ESYT2: variants seen among roughly 807,000 people sequenced by gnomAD.
ESYT2 encodes extended synaptotagmin 2.
A neutral mutation model predicts 107.2 loss-of-function variants in ESYT2; 54 were observed. The ratio of observed to expected loss-of-function variants is 0.50; its 90% confidence interval spans 0.40 to 0.63. ESYT2 has a LOEUF of 0.63. Among genes scored for constraint, ESYT2 ranks in the 30% least tolerant of loss-of-function variants. ESYT2 has a pLI of 0.00. For synonymous variants in ESYT2, 491 were observed against 434.1 expected, an observed-to-expected ratio of 1.13 and a Z score of -1.63; for missense variants, 1,020 against 1,094.5, an observed-to-expected ratio of 0.93 and a Z score of 0.96.
chr7:158,780,831 G>A (rs913416078), intron 6 of ESYT2, among the ~76,000 whole-genome samples: 2 of 152,240 alleles, frequency 1.3e-5, no homozygotes, highest in African/African-American at 4.8e-5. Context: ...GGCACTGAAA[G>A]GCCTGTCCCT....
chr7:158,761,969 G>A (rs1192680924), intron 10 of ESYT2, among the ~76,000 whole-genome samples: 1 of 152,130 alleles, frequency 6.6e-6, no homozygotes, highest in East Asian at 1.9e-4. Flanking sequence ...CAGTAGGGTT[G>A]TGCGTTACTG....
chr7:158,819,864 GA>G (rs1840243128), intron 1 of ESYT2, among the ~76,000 whole-genome samples: 3 of 152,170 alleles, frequency 2.0e-5, no homozygotes, highest in Admixed American at 2.0e-4. Context: ...CAGTTTCAAT[GA>G]CAATTTTACA....
intron 1 of ESYT2, among the ~76,000 whole-genome samples, chr7:158,816,944 A>G (rs1406586117): frequency 3.3e-5 from 5 of 152,262 alleles, no homozygotes; most frequent in African/African-American, 1.2e-4. Flanking sequence ...TTAGGTACGC[A>G]CTTACTAGCC....
At position 158,755,891 on chromosome 7, in the gene ESYT2, T is replaced by C. The variant is rs563778029; in HGVS notation, c.1420-3048A>G. On this transcript the variant is annotated intron_variant, in intron 13 of 22. Coordinates refer to ENST00000275418, the MANE Select transcript of ESYT2 (RefSeq NM_001367773.1). ...AGGGGGTAGGGGGAGAGGGGAGCGATAGCATTAGGAGAAACACCTAAGGTA... is the reference window on the plus strand; with the variant it reads ...AGGGGGTAGGGGGAGAGGGGAGCGACAGCATTAGGAGAAACACCTAAGGTA... Among the ~76,000 whole-genome samples the C allele has an allele frequency of 1.4e-4, 22 of 152,174 alleles. No homozygotes were observed. In the East Asian group the frequency reaches 2.7e-3, roughly 19 times the overall value.
chr7:158,768,478 A>C (rs1189197), intron 7 of ESYT2, among the ~76,000 whole-genome samples: 4 of 152,222 alleles, frequency 2.6e-5, no homozygotes, highest in Admixed American at 2.0e-4. Flanking sequence ...GGAGTACAAC[A>C]GCATGATCTC....
chr7:158,815,336 G>A (rs775573986), intron 1 of ESYT2, among the ~76,000 whole-genome samples: 2 of 152,046 alleles, frequency 1.3e-5, no homozygotes, highest in Admixed American at 6.6e-5. Context: ...ATCTCCCACC[G>A]CAGCCCCAGC....
intron 15 of ESYT2, among the ~76,000 whole-genome samples, chr7:158,749,235 T>C (rs1477287481): frequency 6.6e-6 from 1 of 151,984 alleles, no homozygotes; most frequent in Non-Finnish European, 1.5e-5. Flanking sequence ...GCCTCCCGAG[T>C]AGCTGGGATT....
At chr7:158,735,631 T>C (rs961097004) in intron 20 of ESYT2, 23 bp from the exon 21 acceptor site, 2 of 1,585,612 alleles carry the variant, frequency 1.3e-6, no homozygotes, top group South Asian at 2.2e-5. Context: ...ACGAGAGCCT[T>C]ACTTTATCCA....
At chr7:158,782,537 A>AAATGAG (rs60802636) in intron 6 of ESYT2, among the ~76,000 whole-genome samples, 105,914 of 143,154 alleles carry the variant, frequency 0.74, 39,406 homozygotes, top group Non-Finnish European at 0.8. Flanking sequence ...GAGTGTAAGA[A>AAATGAG]AATGAGTGTG....
chr7:158,754,515 T>C (rs1370731251), intron 13 of ESYT2, among the ~76,000 whole-genome samples: 2 of 152,132 alleles, frequency 1.3e-5, no homozygotes, highest in Non-Finnish European at 2.9e-5. Flanking sequence ...CCGGCCTTTT[T>C]TTTTTAAATG....
chr7:158,788,134 T>A (rs751337173), intron 5 of ESYT2, 41 bp from the exon 6 acceptor site: 3 of 1,533,996 alleles, frequency 2.0e-6, no homozygotes, highest in Non-Finnish European at 2.7e-6. Flanking sequence ...ATAGAAAACA[T>A]TCTGCAGGGC....
At chr7:158,735,838 T>C (rs1002889080) in intron 20 of ESYT2, among the ~76,000 whole-genome samples, 1 of 152,192 alleles carries the variant, frequency 6.6e-6, no homozygotes, top group Non-Finnish European at 1.5e-5. Context: ...CATAGATGTC[T>C]GGGTCCCAAG....
intron 8 of ESYT2, among the ~76,000 whole-genome samples, chr7:158,765,572 A>G (rs1838128490): frequency 6.6e-6 from 1 of 151,932 alleles, no homozygotes; most frequent in Admixed American, 6.6e-5. Context: ...CATCTCTACT[A>G]AAATTACAAA....
intron 1 of ESYT2, among the ~76,000 whole-genome samples, chr7:158,808,704 C>T (rs1244058053): frequency 6.6e-6 from 1 of 151,732 alleles, no homozygotes; most frequent in Non-Finnish European, 1.5e-5. Flanking sequence ...AATCCCAGGA[C>T]TTTGCCTGTA....
chr7:158,742,006 C>CA (rs1030887477), intron 17 of ESYT2, 110 bp from the exon 18 acceptor site: 337 of 1,303,094 alleles, frequency 2.6e-4, no homozygotes, highest in East Asian at 3.8e-4. Context: ...AAACTTAGCT[C>CA]AAAAAAAAAT....
intron 21 of ESYT2, among the ~76,000 whole-genome samples, chr7:158,734,914 C>T (rs3763414): frequency 0.24 from 36,958 of 152,138 alleles, 5,841 homozygotes; most frequent in East Asian, 0.5. Context: ...AAGGCTCTTA[C>T]TTTTTCAATC....
At chr7:158,794,844 A>G (rs927306267) in intron 3 of ESYT2, among the ~76,000 whole-genome samples, 2 of 152,178 alleles carry the variant, frequency 1.3e-5, no homozygotes, top group African/African-American at 2.4e-5. Context: ...GTGTATTAAA[A>G]TCACACCTCT....
Position 158,741,739 on chromosome 7 carries a change from G to A in ESYT2, c.1952C>T (p.Pro651Leu). 3.1e-6 allele frequency: 5 copies of A among 1,614,086 alleles called. No homozygotes were observed. Among genetic ancestry groups the A allele is most frequent in the Non-Finnish European group, 4.2e-6 (5 of 1,180,006 alleles). ...AGGCTTATCACTGCCCCCAATGACT[G>A]GTGTGGATGGAGCTGTGTTGCTGCC... ...PGGSNTAPST[P>L]VIGGSDKPGM... The change falls in exon 18 of 23, where the codon CCA becomes CTA. Residue 651 changes from proline (P) to leucine (L), a missense_variant. By Grantham distance (98) the Pro-to-Leu change is moderately conservative. Coordinates refer to ENST00000275418, the MANE Select transcript of ESYT2 (RefSeq NM_001367773.1).
At position 158,788,392 on chromosome 7, in the gene ESYT2, A is replaced by G. The variant is rs1356935498; in HGVS notation, c.610T>C (p.Leu204=). Residue 204 remains leucine, a synonymous_variant, in exon 5 of 23, where the codon TTG becomes CTG. Transcript: ENST00000275418. ...CTACAAAAATATCGTTTGATCTCCAAATCAATCTCACAATTTCCTACAAAA... is the reference window on the plus strand; with the variant it reads ...CTACAAAAATATCGTTTGATCTCCAGATCAATCTCACAATTTCCTACAAAA... ...ISFVGNCEID[L]EIKRYFCRAG... The G allele has an allele frequency of 6.2e-7, 1 of 1,611,764 alleles. No homozygotes were observed. Among genetic ancestry groups the G allele is most frequent in the Non-Finnish European group, 8.5e-7 (1 of 1,179,362 alleles).
Sources: gnomAD v4.1 joint callset for allele counts (sites outside exome capture counted in the v4.1 genomes callset) on GRCh38, gnomAD v4.1.1 for gene constraint, MANE v1.5 for transcripts, NCBI Gene and HGNC (gene_info 2026-07-23, HGNC 2026-07-21) for gene names.